The following TENM2 variants were observed in gnomAD, a reference collection of about 807,000 sequenced individuals.
The protein encoded by TENM2 is teneurin transmembrane protein 2.
TENM2 carries 52 observed loss-of-function variants against 245.2 expected under a neutral mutation model. The observed-to-expected ratio is 0.21, with a 90% CI of 0.17 to 0.27. TENM2 has a LOEUF of 0.27. Ranked by LOEUF, TENM2 falls within the 10% of genes least tolerant of loss-of-function variation. The pLI is 1.00. For missense variants in TENM2, 3,046 were observed against 3,666.8 expected, an observed-to-expected ratio of 0.83 and a Z score of 4.37; for synonymous variants, 1,363 against 1,438.9, an observed-to-expected ratio of 0.95 and a Z score of 1.19.
chr5:167,079,670 A>AC, the TENM2 span, among the ~76,000 whole-genome samples: 1 of 152,072 alleles, frequency 6.6e-6, no homozygotes, highest in Non-Finnish European at 1.5e-5. Context: ...AAGACAGCTC[A>AC]CATCGGTATG....
chr5:168,117,658 T>TA (rs1416283606), intron 9 of TENM2, among the ~76,000 whole-genome samples: 2 of 152,096 alleles, frequency 1.3e-5, no homozygotes, highest in African/African-American at 4.8e-5. Context: ...AAACCGCGGA[T>TA]ACAGGGGGAC....
intron 3 of TENM2, among the ~76,000 whole-genome samples, chr5:167,888,785 C>T (rs543127710): frequency 3.9e-5 from 6 of 152,278 alleles, no homozygotes; most frequent in East Asian, 1.9e-4. Flanking sequence ...TTTTGTTTTA[C>T]GATTTCTGTT....
chr5:167,554,419 C>T (rs1421180777), intron 2 of TENM2, among the ~76,000 whole-genome samples: 2 of 152,168 alleles, frequency 1.3e-5, no homozygotes, highest in Non-Finnish European at 2.9e-5. Flanking sequence ...GATTCTGTGA[C>T]CTCACGATAC....
chr5:167,263,051 G>T, the TENM2 span, among the ~76,000 whole-genome samples: 2 of 152,024 alleles, frequency 1.3e-5, no homozygotes, highest in Non-Finnish European at 2.9e-5. Context: ...TCTTTGCCCC[G>T]TCCCAGAGGT....
the TENM2 span, among the ~76,000 whole-genome samples, chr5:167,001,297 TCG>T: frequency 6.6e-6 from 1 of 152,116 alleles, no homozygotes; most frequent in African/African-American, 2.4e-5. Flanking sequence ...ACTAAAACTA[TCG>T]TGGGTTACTC....
At chr5:167,169,255 A>G in the TENM2 span, among the ~76,000 whole-genome samples, 4 of 152,278 alleles carry the variant, frequency 2.6e-5, no homozygotes, top group South Asian at 4.1e-4. Flanking sequence ...CAAGGTGATC[A>G]GTTTCAACTC....
intron 25 of TENM2, among the ~76,000 whole-genome samples, chr5:168,232,143 TAGG>T (rs774462090): frequency 6.6e-6 from 1 of 152,018 alleles, no homozygotes; most frequent in African/African-American, 2.4e-5. Flanking sequence ...AGATAGATGA[TAGG>T]AGGAGAGGGA....
chr5:167,003,407 T>C, the TENM2 span, among the ~76,000 whole-genome samples: 3 of 152,224 alleles, frequency 2.0e-5, no homozygotes, highest in Non-Finnish European at 4.4e-5. Flanking sequence ...ATTTTCATTA[T>C]GCAAATGATT....
chr5:167,150,629 A>G, the TENM2 span, among the ~76,000 whole-genome samples: 1 of 152,198 alleles, frequency 6.6e-6, no homozygotes, highest in African/African-American at 2.4e-5. Context: ...CTAATCAATT[A>G]TTTGTCTTTT....
chr5:168,258,336 C>T (rs1303272831), intron 27 of TENM2, among the ~76,000 whole-genome samples: 1 of 151,958 alleles, frequency 6.6e-6, no homozygotes, highest in African/African-American at 2.4e-5. Context: ...CCTGTCTCTA[C>T]TAAAAATACA....
intron 2 of TENM2, among the ~76,000 whole-genome samples, chr5:167,540,577 CAG>C (rs1305705209): frequency 1.3e-5 from 2 of 152,144 alleles, no homozygotes; most frequent in Admixed American, 1.3e-4. Flanking sequence ...GCAGTTGCGA[CAG>C]AGACCATATG....
At chr5:167,944,232 C>T (rs377626666) in intron 3 of TENM2, among the ~76,000 whole-genome samples, 6 of 152,268 alleles carry the variant, frequency 3.9e-5, no homozygotes, top group East Asian at 1.9e-4. Flanking sequence ...TGACTTGGCA[C>T]CCAGTTCGAG....
At chr5:167,737,136 T>C (rs1052102164) in intron 2 of TENM2, among the ~76,000 whole-genome samples, 1 of 152,192 alleles carries the variant, frequency 6.6e-6, no homozygotes, top group African/African-American at 2.4e-5. Flanking sequence ...TTAGTTAACC[T>C]CTGGGTACTT....
At chr5:168,117,359 G>A (rs1795154193) in intron 9 of TENM2, among the ~76,000 whole-genome samples, 1 of 152,092 alleles carries the variant, frequency 6.6e-6, no homozygotes, top group East Asian at 1.9e-4. Flanking sequence ...AATGACAGTA[G>A]TCCCTCCTTA....
intron 5 of TENM2, among the ~76,000 whole-genome samples, chr5:168,033,359 T>A (rs1787301628): frequency 1.3e-5 from 2 of 152,174 alleles, no homozygotes; most frequent in African/African-American, 4.8e-5. Flanking sequence ...GGCTCTGGCT[T>A]TTAGTAGCTA....
chr5:167,531,885 A>C (rs1385837070), intron 2 of TENM2, among the ~76,000 whole-genome samples: 1 of 152,190 alleles, frequency 6.6e-6, no homozygotes, highest in Non-Finnish European at 1.5e-5. Flanking sequence ...GAACTCCTAT[A>C]AACCTTATTA....
At chr5:167,005,655 G>GTTTTTTTTTT in the TENM2 span, among the ~76,000 whole-genome samples, 1 of 52,976 alleles carries the variant, frequency 1.9e-5, no homozygotes, top group Non-Finnish European at 3.2e-5. Flanking sequence ...CTGTGTGTGG[G>GTTTTTTTTTT]TTTTTTTTTT....
chr5:167,820,104 C>T (rs1767395810), intron 2 of TENM2, among the ~76,000 whole-genome samples: 1 of 152,152 alleles, frequency 6.6e-6, no homozygotes, highest in African/African-American at 2.4e-5. Context: ...CTTCTGCTCA[C>T]TCCAGGGAAA....
chr5:167,161,718 C>T, the TENM2 span, among the ~76,000 whole-genome samples: 4 of 152,082 alleles, frequency 2.6e-5, no homozygotes, highest in Non-Finnish European at 2.9e-5. Flanking sequence ...GTAATCACAC[C>T]TTAATCTTGT....
Sources: allele counts gnomAD v4.1 joint callset (sites outside exome capture counted in the v4.1 genomes callset), GRCh38; gene constraint gnomAD v4.1.1; transcripts MANE v1.5; gene names NCBI Gene and HGNC (gene_info 2026-07-23, HGNC 2026-07-21).